RUNX1: variants seen among roughly 807,000 people sequenced by gnomAD.
RUNX1 encodes runt-related transcription factor 1.
RUNX1 carries 19 observed loss-of-function variants against 42.8 expected under a neutral mutation model. The ratio of observed to expected loss-of-function variants is 0.44; its 90% confidence interval spans 0.31 to 0.65. The LOEUF is 0.65. Ranked by LOEUF, RUNX1 falls within the 30% of genes least tolerant of loss-of-function variation. RUNX1 has a pLI of 0.07. For missense variants in RUNX1, 528 were observed against 672.0 expected (o/e 0.79, Z 2.37); for synonymous variants, 271 against 289.4 (o/e 0.94, Z 0.64).
At chr21:35,009,756 G>A (rs1350521488) in intron 2 of RUNX1, among the ~76,000 whole-genome samples, 1 of 152,144 alleles carries the variant, frequency 6.6e-6, no homozygotes, top group Non-Finnish European at 1.5e-5. Flanking sequence ...GAATGAAGGT[G>A]ACTGAGTAAA....
chr21:34,814,357 G>A (rs768723284), intron 7 of RUNX1, among the ~76,000 whole-genome samples: 2 of 152,140 alleles, frequency 1.3e-5, no homozygotes, highest in Admixed American at 6.5e-5. Context: ...ACAAGCAGAC[G>A]GCGACAGGGA....
intron 6 of RUNX1, among the ~76,000 whole-genome samples, chr21:34,841,766 A>G (rs1022485997): frequency 6.6e-6 from 1 of 152,076 alleles, no homozygotes; most frequent in African/African-American, 2.4e-5. Flanking sequence ...CTGAAATGTC[A>G]TCTTCTCCCT....
chr21:34,830,594 C>T (rs761475066), intron 7 of RUNX1, among the ~76,000 whole-genome samples: 4 of 152,186 alleles, frequency 2.6e-5, no homozygotes, highest in African/African-American at 7.2e-5. Context: ...CAAGAGTGCA[C>T]GCCCAGGGAA....
chr21:34,812,048 A>T (rs1206833949), intron 7 of RUNX1, among the ~76,000 whole-genome samples: 1 of 151,272 alleles, frequency 6.6e-6, no homozygotes, highest in African/African-American at 2.4e-5. Context: ...GAAATTTCTT[A>T]AATATTTGCC....
intron 7 of RUNX1, among the ~76,000 whole-genome samples, chr21:34,830,909 T>C (rs979699205): frequency 6.6e-6 from 1 of 152,218 alleles, no homozygotes; most frequent in Admixed American, 6.5e-5. Context: ...CAGTTTTCTG[T>C]ACCAGCATCT....
At chr21:34,958,881 T>C (rs1231340649) in intron 2 of RUNX1, among the ~76,000 whole-genome samples, 6 of 152,180 alleles carry the variant, frequency 3.9e-5, no homozygotes, top group Non-Finnish European at 8.8e-5. Context: ...TAAAAAAGGA[T>C]GAGTTCATGT....
At chr21:34,830,199 G>A (rs2057043797) in intron 7 of RUNX1, among the ~76,000 whole-genome samples, 2 of 152,192 alleles carry the variant, frequency 1.3e-5, no homozygotes, top group African/African-American at 4.8e-5. Context: ...TGTTGACTGG[G>A]TTTGGATGAT....
At chr21:34,825,906 G>C (rs2146025749) in intron 7 of RUNX1, among the ~76,000 whole-genome samples, 1 of 152,328 alleles carries the variant, frequency 6.6e-6, no homozygotes, top group South Asian at 2.1e-4. Context: ...GTCTGATACA[G>C]TCACAAGCCA....
At chr21:34,878,988 A>G (rs2057856857) in intron 5 of RUNX1, among the ~76,000 whole-genome samples, 2 of 152,230 alleles carry the variant, frequency 1.3e-5, no homozygotes, top group South Asian at 2.1e-4. Flanking sequence ...AAGCAATTCA[A>G]TGATACTTAG....
chr21:34,932,305 G>T (rs2058453317), intron 2 of RUNX1, among the ~76,000 whole-genome samples: 1 of 152,140 alleles, frequency 6.6e-6, no homozygotes, highest in Non-Finnish European at 1.5e-5. Context: ...GGAGGAGCTG[G>T]TTTTGAGGAA....
At chr21:34,871,458 C>T (rs117657409) in intron 5 of RUNX1, among the ~76,000 whole-genome samples, 1,716 of 152,272 alleles carry the variant, frequency 0.011, 15 homozygotes, top group Non-Finnish European at 0.018. Context: ...AGCAAGGAAA[C>T]GGACAAACAA....
chr21:34,927,531 G>A (rs190014792), intron 2 of RUNX1, among the ~76,000 whole-genome samples: 136 of 152,226 alleles, frequency 8.9e-4, no homozygotes, highest in Admixed American at 3.7e-3. Flanking sequence ...GGATGCAGGG[G>A]GCTACTCATT....
chr21:34,837,374 A>G (rs2057162765), intron 6 of RUNX1, among the ~76,000 whole-genome samples: 1 of 152,154 alleles, frequency 6.6e-6, no homozygotes, highest in Non-Finnish European at 1.5e-5. Flanking sequence ...GCACAGGGGA[A>G]ATGAGAAGCA....
At chr21:34,979,352 GTT>G (rs1442815145) in intron 2 of RUNX1, among the ~76,000 whole-genome samples, 2 of 151,388 alleles carry the variant, frequency 1.3e-5, no homozygotes, top group Non-Finnish European at 2.9e-5. Flanking sequence ...GTTTGCATAG[GTT>G]GGCAACTCAA....
At position 34,788,467 on chromosome 21, in the gene RUNX1, A is replaced by G. The variant is rs1391941810; in HGVS notation, c.*3668T>C. On this transcript the variant is annotated 3_prime_UTR_variant, in exon 9 of 9. Coordinates refer to ENST00000675419, the MANE Select transcript of RUNX1 (RefSeq NM_001754.5). The stretch of plus-strand genomic sequence containing the variant: ...AAGTGAATAAGAAGTAGCTCATTTT[A>G]AAGTCTAAAATAAACAAAGTAGAAA... The G allele has an allele frequency of 8.6e-6, 2 of 233,102 alleles. No homozygotes were observed. Among genetic ancestry groups the G allele is most frequent in the Admixed American group, 5.6e-5 (1 of 17,768 alleles). The allele number at this position is 233,102 out of a possible 1,614,324, so 14.4% of individuals were successfully genotyped here.
At chr21:34,992,676 A>T (rs76449304) in intron 2 of RUNX1, among the ~76,000 whole-genome samples, 7 of 56,802 alleles carry the variant, frequency 1.2e-4, no homozygotes, top group Non-Finnish European at 2.3e-4. Flanking sequence ...TACAAATATA[A>T]AAAAAAAAAA....
At chr21:34,958,484 T>A (rs1039082152) in intron 2 of RUNX1, among the ~76,000 whole-genome samples, 18 of 152,154 alleles carry the variant, frequency 1.2e-4, no homozygotes, top group African/African-American at 4.1e-4. Context: ...GAAATGCAAA[T>A]CAAAACCACA....
intron 7 of RUNX1, among the ~76,000 whole-genome samples, chr21:34,799,920 T>C (rs1388988243): frequency 1.3e-5 from 2 of 151,942 alleles, no homozygotes; most frequent in East Asian, 3.9e-4. Context: ...GTTTTGGGCT[T>C]TTTTTTTATA....
intron 2 of RUNX1, among the ~76,000 whole-genome samples, chr21:34,944,644 C>T (rs780451141): frequency 6.6e-6 from 1 of 152,116 alleles, no homozygotes; most frequent in Non-Finnish European, 1.5e-5. Context: ...CCTGTCGTCT[C>T]CTCTTAGGAC....
Sources: allele counts gnomAD v4.1 joint callset (sites outside exome capture counted in the v4.1 genomes callset), GRCh38; gene constraint gnomAD v4.1.1; transcripts MANE v1.5; gene names NCBI Gene and HGNC (gene_info 2026-07-23, HGNC 2026-07-21).